The following AFF3 variants were observed in gnomAD, a reference collection of about 807,000 sequenced individuals.
AFF3 encodes the protein AF4/FMR2 family member 3.
AFF3 carries 32 observed loss-of-function variants against 129.7 expected under a neutral mutation model. That is an observed-to-expected ratio of 0.25 (90% CI 0.19 to 0.33). The LOEUF (loss-of-function observed/expected upper bound fraction) is 0.33, where lower values mean the gene tolerates loss of function less well. AFF3 is among the 10% of genes least tolerant of loss of function. The pLI is 1.00. For missense variants in AFF3, 1,373 were observed against 1,592.0 expected, an observed-to-expected ratio of 0.86 and a Z score of 2.34; for synonymous variants, 644 against 635.4, an observed-to-expected ratio of 1.01 and a Z score of -0.20.
At chr2:99,715,728 G>A (rs1678312929) in intron 11 of AFF3, among the ~76,000 whole-genome samples, 1 of 150,266 alleles carries the variant, frequency 6.7e-6, no homozygotes, top group Non-Finnish European at 1.5e-5. Context: ...CTGGAGTGCA[G>A]TGGTGTGATT....
At chr2:100,041,457 T>C (rs1685427976) in intron 4 of AFF3, among the ~76,000 whole-genome samples, 1 of 152,210 alleles carries the variant, frequency 6.6e-6, no homozygotes, top group Non-Finnish European at 1.5e-5. Context: ...GAGTTTATGC[T>C]TGTCCAATTA....
chr2:99,627,853 T>A (rs1369659179), intron 13 of AFF3, among the ~76,000 whole-genome samples: 1 of 152,140 alleles, frequency 6.6e-6, no homozygotes, highest in African/African-American at 2.4e-5. Flanking sequence ...GCTTCTTTTG[T>A]CAAAGATCAG....
intron 7 of AFF3, among the ~76,000 whole-genome samples, chr2:99,942,522 A>C (rs2106347145): frequency 9.1e-6 from 1 of 109,916 alleles, no homozygotes; most frequent in East Asian, 3.1e-4. Flanking sequence ...TTAAACTAAG[A>C]TTATGAATTA....
At chr2:99,952,711 C>T (rs2106392398) in intron 7 of AFF3, among the ~76,000 whole-genome samples, 1 of 152,358 alleles carries the variant, frequency 6.6e-6, no homozygotes, top group East Asian at 1.9e-4. Context: ...CAGAAGCCCT[C>T]TCACATGTCT....
intron 2 of AFF3, among the ~76,000 whole-genome samples, chr2:100,116,920 C>T (rs1315416677): frequency 6.6e-6 from 1 of 152,088 alleles, no homozygotes; most frequent in East Asian, 1.9e-4. Flanking sequence ...ATCAATTTTA[C>T]ATTTATAATT....
intron 7 of AFF3, among the ~76,000 whole-genome samples, chr2:99,998,267 T>C (rs1316247507): frequency 1.3e-5 from 2 of 152,122 alleles, no homozygotes; most frequent in African/African-American, 2.4e-5. Context: ...AAGTTATAGA[T>C]GGGTTGATTT....
At chr2:99,639,319 G>A (rs879909280) in intron 13 of AFF3, among the ~76,000 whole-genome samples, 5 of 152,184 alleles carry the variant, frequency 3.3e-5, no homozygotes, top group Non-Finnish European at 7.3e-5. Context: ...GACAGCCTGC[G>A]TTTGTTCACG....
At chr2:99,840,595 C>T (rs1052438225) in intron 7 of AFF3, among the ~76,000 whole-genome samples, 1 of 152,156 alleles carries the variant, frequency 6.6e-6, no homozygotes. Flanking sequence ...CTTTCCTATA[C>T]TCATCCTTCC....
intron 19 of AFF3, among the ~76,000 whole-genome samples, chr2:99,568,393 C>T (rs189723582): frequency 3.3e-5 from 5 of 152,252 alleles, no homozygotes; most frequent in Admixed American, 6.5e-5. Flanking sequence ...TAGAGTCTTA[C>T]GTGCAGATAA....
intron 7 of AFF3, among the ~76,000 whole-genome samples, chr2:99,887,803 A>G (rs1693231463): frequency 1.3e-5 from 2 of 152,180 alleles, no homozygotes. Context: ...TGGCATCCCT[A>G]TGGGACAGGT....
At chr2:99,705,874 CAAAAAAAA>C (rs34186291) in intron 11 of AFF3, among the ~76,000 whole-genome samples, 1 of 53,420 alleles carries the variant, frequency 1.9e-5, no homozygotes, top group African/African-American at 7.1e-5. Flanking sequence ...AACTGCGCCT[CAAAAAAAA>C]AAAAAAAAAA....
chr2:99,915,795 C>G (rs982599861), intron 7 of AFF3, among the ~76,000 whole-genome samples: 1 of 152,044 alleles, frequency 6.6e-6, no homozygotes. Context: ...AGTCTATGTA[C>G]TTTTTGGGAT....
intron 11 of AFF3, among the ~76,000 whole-genome samples, chr2:99,719,266 AAACC>A (rs920706134): frequency 5.3e-5 from 8 of 152,088 alleles, no homozygotes; most frequent in Non-Finnish European, 5.9e-5. Context: ...TTCTAATGGT[AAACC>A]AACCATGCAC....
At chr2:100,076,415 C>A (rs80337943) in intron 4 of AFF3, among the ~76,000 whole-genome samples, 3,184 of 152,252 alleles carry the variant, frequency 0.021, 50 homozygotes, top group Non-Finnish European at 0.035. Context: ...GCCTCGATAC[C>A]TGAAAGTAAA....
At chr2:99,994,660 T>C (rs940359217) in intron 7 of AFF3, among the ~76,000 whole-genome samples, 9 of 152,248 alleles carry the variant, frequency 5.9e-5, no homozygotes, top group Admixed American at 1.3e-4. Flanking sequence ...GAAAAGGATA[T>C]TACTCCAGGC....
At chr2:99,786,340 T>G (rs924016167) in intron 8 of AFF3, among the ~76,000 whole-genome samples, 2 of 152,150 alleles carry the variant, frequency 1.3e-5, no homozygotes, top group Non-Finnish European at 2.9e-5. Context: ...AAAGCCACCA[T>G]CAGTCCGCAC....
At chr2:99,716,891 AAT>A (rs886767074) in intron 11 of AFF3, among the ~76,000 whole-genome samples, 51 of 87,360 alleles carry the variant, frequency 5.8e-4, no homozygotes, top group Middle Eastern at 7.8e-3. Context: ...TCAAAAAAAA[AAT>A]ATATATATAT....
At chr2:99,589,541 A>G (rs892059863) in intron 15 of AFF3, among the ~76,000 whole-genome samples, 4 of 151,384 alleles carry the variant, frequency 2.6e-5, no homozygotes, top group Non-Finnish European at 4.4e-5. Context: ...AGCTGGGATT[A>G]CAGGCACGCG....
intron 9 of AFF3, among the ~76,000 whole-genome samples, chr2:99,748,439 G>A (rs902695295): frequency 1.3e-5 from 2 of 152,156 alleles, no homozygotes; most frequent in African/African-American, 4.8e-5. Flanking sequence ...AGTGAGTCCA[G>A]CAAGTTAGCG....
Sources: allele counts gnomAD v4.1 joint callset (sites outside exome capture counted in the v4.1 genomes callset), GRCh38; gene constraint gnomAD v4.1.1; transcripts MANE v1.5; gene names NCBI Gene and HGNC (gene_info 2026-07-23, HGNC 2026-07-21).